Variants in FRMPD1 observed in about 807,000 individuals in gnomAD.
The protein encoded by FRMPD1 is FERM and PDZ domain-containing protein 1.
FRMPD1 carries 76 observed loss-of-function variants against 117.8 expected under a neutral mutation model. The ratio of observed to expected loss-of-function variants is 0.65; its 90% CI spans 0.54 to 0.78. FRMPD1 has a LOEUF of 0.78. FRMPD1 is among the 30% of genes least tolerant of loss of function. FRMPD1 has a pLI of 0.00. For missense variants in FRMPD1, 1,786 were observed against 1,964.5 expected (o/e 0.91, Z 1.72); for synonymous variants, 783 against 770.4 (o/e 1.02, Z -0.27).
upstream of FRMPD1, among the ~76,000 whole-genome samples, chr9:37,649,924 C>T (rs890484879): frequency 1.3e-5 from 2 of 152,220 alleles, no homozygotes; most frequent in Non-Finnish European, 2.9e-5. Flanking sequence ...TCTCTCCACA[C>T]TCCTCCCTTT....
intron 2 of FRMPD1, among the ~76,000 whole-genome samples, chr9:37,701,788 G>C (rs1369137953): frequency 6.6e-6 from 1 of 152,168 alleles, no homozygotes; most frequent in Admixed American, 6.5e-5. Context: ...CTGGCTGCTA[G>C]ATGGAGAATC....
At chr9:37,667,281 G>A (rs886223890) in intron 1 of FRMPD1, among the ~76,000 whole-genome samples, 1 of 150,710 alleles carries the variant, frequency 6.6e-6, no homozygotes, top group Non-Finnish European at 1.5e-5. Context: ...GGCCAGGCTG[G>A]TCTAGAACTC....
chr9:37,667,511 A>G (rs1340638427), intron 1 of FRMPD1, among the ~76,000 whole-genome samples: 1 of 119,352 alleles, frequency 8.4e-6, no homozygotes, highest in Non-Finnish European at 1.7e-5. Flanking sequence ...CATCTCTACT[A>G]AAAATTAAAA....
At chr9:37,609,551 T>C in the FRMPD1 span, among the ~76,000 whole-genome samples, 17 of 152,054 alleles carry the variant, frequency 1.1e-4, no homozygotes, top group African/African-American at 4.1e-4. Context: ...AGAATCAGAG[T>C]ACTTCTCACT....
chr9:37,744,169 G>A (rs1287322096), intron 15 of FRMPD1, among the ~76,000 whole-genome samples: 2 of 152,010 alleles, frequency 1.3e-5, no homozygotes, highest in East Asian at 3.9e-4. Context: ...CAGCCTGGGT[G>A]ACAGAAAGAG....
chr9:37,682,596 T>C (rs1225468406), intron 1 of FRMPD1, among the ~76,000 whole-genome samples: 1 of 152,206 alleles, frequency 6.6e-6, no homozygotes, highest in African/African-American at 2.4e-5. Flanking sequence ...TCAGTGCTCT[T>C]TTCAGCATTC....
Position 37,744,817 on chromosome 9 carries a change from G to A in FRMPD1, c.2785G>A (p.Glu929Lys). Reference protein sequence around the residue: ...RVMEMEPETMETKSVIDSRVS... With the variant: ...RVMEMEPETMKTKSVIDSRVS... Reference sequence around the variant, plus strand: ...CATGGAGATGGAGCCCGAGACCATGGAAACCAAATCAGTCATCGACTCTCG... The same window carrying A: ...CATGGAGATGGAGCCCGAGACCATGAAAACCAAATCAGTCATCGACTCTCG... The change falls in exon 16 of 16, where the codon GAA becomes AAA. Residue 929 changes from glutamate to lysine, a missense_variant. Transcript: ENST00000377765. 6.2e-7 allele frequency: 1 copy of A among 1,614,180 alleles called. No homozygotes were observed. Among genetic ancestry groups the A allele is most frequent in the Non-Finnish European group, 8.5e-7 (1 of 1,180,022 alleles).
upstream of FRMPD1, among the ~76,000 whole-genome samples, chr9:37,648,937 T>G (rs929175311): frequency 6.7e-6 from 1 of 150,048 alleles, no homozygotes; most frequent in African/African-American, 2.5e-5. Context: ...CTGGTGAGAG[T>G]GAAGGGAGAA....
At chr9:37,674,434 C>CTTCGG (rs1821454935) in intron 1 of FRMPD1, among the ~76,000 whole-genome samples, 1 of 152,158 alleles carries the variant, frequency 6.6e-6, no homozygotes, top group African/African-American at 2.4e-5. Flanking sequence ...CGAACTTTCC[C>CTTCGG]ACATTTTCCT....
the FRMPD1 span, chr9:37,636,820 G>C: frequency 6.2e-7 from 1 of 1,611,968 alleles, no homozygotes; most frequent in Non-Finnish European, 8.5e-7. Context: ...ACGCCTGCTC[G>C]ACATTGGTGG....
chr9:37,737,500 A>C (rs1824188950), intron 14 of FRMPD1, among the ~76,000 whole-genome samples: 1 of 152,184 alleles, frequency 6.6e-6, no homozygotes, highest in Non-Finnish European at 1.5e-5. Context: ...TGTATTTCCT[A>C]AGATTGTCTC....
chr9:37,631,749 G>T, the FRMPD1 span, among the ~76,000 whole-genome samples: 1 of 152,066 alleles, frequency 6.6e-6, no homozygotes, highest in African/African-American at 2.4e-5. Flanking sequence ...GACTGCAGGC[G>T]CATGCCACCA....
chr9:37,730,887 G>A, intron 8 of FRMPD1, 97 bp from the exon 9 acceptor site: 1 of 1,244,136 alleles, frequency 8.0e-7, no homozygotes, highest in Non-Finnish European at 1.2e-6. Context: ...TCTGGGAACT[G>A]TCTTTCACTG....
At chr9:37,621,593 C>T in the FRMPD1 span, among the ~76,000 whole-genome samples, 60 of 152,304 alleles carry the variant, frequency 3.9e-4, no homozygotes, top group African/African-American at 1.3e-3. Context: ...GTCTGACTCC[C>T]GCCCTGGAAA....
At chr9:37,724,379 C>T in intron 7 of FRMPD1, 59 bp downstream of exon 7, 2 of 881,434 alleles carry the variant, frequency 2.3e-6, no homozygotes, top group Non-Finnish European at 3.8e-6. Flanking sequence ...TGCTAGGACC[C>T]CCCAGGCATC....
intron 4 of FRMPD1, among the ~76,000 whole-genome samples, chr9:37,711,055 CTTAA>C (rs1822890823): frequency 6.6e-6 from 1 of 151,842 alleles, no homozygotes; most frequent in South Asian, 2.1e-4. Context: ...GGCTAAGTGC[CTTAA>C]TTAATGTTGT....
At chr9:37,641,745 A>G in the FRMPD1 span, among the ~76,000 whole-genome samples, 1 of 152,220 alleles carries the variant, frequency 6.6e-6, no homozygotes, top group African/African-American at 2.4e-5. Flanking sequence ...GGGACTGTCC[A>G]TGCACTGTTT....
chr9:37,707,845 A>G (rs1326074636), intron 3 of FRMPD1, among the ~76,000 whole-genome samples: 1 of 152,224 alleles, frequency 6.6e-6, no homozygotes, highest in African/African-American at 2.4e-5. Flanking sequence ...TCTCAGGGGC[A>G]GTGAAAGTAT....
chr9:37,663,365 A>G (rs1416684127), intron 1 of FRMPD1, among the ~76,000 whole-genome samples: 3 of 152,172 alleles, frequency 2.0e-5, no homozygotes, highest in African/African-American at 7.2e-5. Context: ...ATTGCATGCC[A>G]GAGTGGAGAT....
Sources: allele counts gnomAD v4.1 joint callset (sites outside exome capture counted in the v4.1 genomes callset), GRCh38; gene constraint gnomAD v4.1.1; transcripts MANE v1.5; gene names NCBI Gene and HGNC (gene_info 2026-07-23, HGNC 2026-07-21).